The following BRAF variants were observed in gnomAD, a reference collection of about 807,000 sequenced individuals.
BRAF encodes B-Raf proto-oncogene, serine/threonine kinase.
A neutral mutation model predicts 104.6 loss-of-function variants in BRAF; 16 were observed. The observed-to-expected ratio is 0.15, with a 90% CI of 0.10 to 0.23. BRAF has a LOEUF of 0.23. BRAF is among the 10% of genes least tolerant of loss of function. BRAF has a pLI of 1.00. For synonymous variants in BRAF, 310 were observed against 341.6 expected (o/e 0.91, Z 1.02); for missense variants, 541 against 937.3 (o/e 0.58, Z 5.52).
chr7:140,876,602 G>C (rs1477752930), intron 1 of BRAF, among the ~76,000 whole-genome samples: 1 of 152,050 alleles, frequency 6.6e-6, no homozygotes, highest in African/African-American at 2.4e-5. Flanking sequence ...TTTCATAATA[G>C]AAAGCATAAC....
intron 1 of BRAF, among the ~76,000 whole-genome samples, chr7:140,894,729 T>C (rs1213127264): frequency 6.6e-6 from 1 of 151,940 alleles, no homozygotes; most frequent in Admixed American, 6.6e-5. Context: ...TAATTAATAA[T>C]GTGGAAGAAC....
At chr7:140,829,102 T>C (rs1806405209) in intron 3 of BRAF, among the ~76,000 whole-genome samples, 1 of 152,106 alleles carries the variant, frequency 6.6e-6, no homozygotes, top group African/African-American at 2.4e-5. Context: ...GAAGTGTTCT[T>C]TGTATATTCA....
At chr7:140,757,173 TA>T (rs756301893) in intron 14 of BRAF, among the ~76,000 whole-genome samples, 1 of 152,176 alleles carries the variant, frequency 6.6e-6, no homozygotes, top group Admixed American at 6.5e-5. Flanking sequence ...ATAGAATTTT[TA>T]AAAAAGGGCA....
chr7:140,745,214 T>C (rs1797253023), intron 17 of BRAF, among the ~76,000 whole-genome samples: 1 of 152,180 alleles, frequency 6.6e-6, no homozygotes, highest in Admixed American at 6.5e-5. Context: ...AAAATGTTAA[T>C]AGAATATACT....
At position 140,902,967 on chromosome 7, in the gene BRAF, T is replaced by C. The variant is rs180677786; in HGVS notation, c.138+21599A>G. On this transcript the variant is annotated intron_variant, in intron 1 of 19. Transcript: ENST00000644969. Reference sequence around the variant, plus strand: ...GAGATGGAGTTTCGCTCTTTTTGCCTAGGCTGGAGTACAATGGCATGATCT... The same window carrying C: ...GAGATGGAGTTTCGCTCTTTTTGCCCAGGCTGGAGTACAATGGCATGATCT... 1.1e-4 allele frequency among the ~76,000 whole-genome samples: 16 copies of C among 146,576 alleles called. No homozygotes were observed. In the South Asian group the frequency reaches 1.5e-3, roughly 14 times the overall value.
At chr7:140,811,645 A>G (rs1804276245) in intron 3 of BRAF, among the ~76,000 whole-genome samples, 1 of 152,200 alleles carries the variant, frequency 6.6e-6, no homozygotes, top group South Asian at 2.1e-4. Context: ...CTCAGTGGCT[A>G]AAAATCTGCT....
At chr7:140,752,792 AAGG>A (rs1450539058) in intron 16 of BRAF, among the ~76,000 whole-genome samples, 2 of 152,198 alleles carry the variant, frequency 1.3e-5, no homozygotes, top group Non-Finnish European at 2.9e-5. Context: ...TCTCTGTTAA[AAGG>A]AGTAGTTCTC....
intron 9 of BRAF, among the ~76,000 whole-genome samples, chr7:140,787,291 A>C (rs1459423537): frequency 8.2e-6 from 1 of 121,530 alleles, no homozygotes; most frequent in Non-Finnish European, 1.6e-5. Context: ...ACAGAGCGAG[A>C]CTCCGTCTCA....
At chr7:140,772,907 G>A (rs1029533037) in intron 14 of BRAF, among the ~76,000 whole-genome samples, 3 of 151,992 alleles carry the variant, frequency 2.0e-5, no homozygotes, top group Non-Finnish European at 2.9e-5. Context: ...GAGAAACTAC[G>A]TTAACTCCTT....
At position 140,767,297 on chromosome 7, in the gene BRAF, C is replaced by A. The variant is rs532252785; in HGVS notation, c.1814+9615G>T. Among the ~76,000 whole-genome samples, 350 of 152,176 alleles carry A rather than the reference C, an allele frequency of 2.3e-3. 2 individuals carry two copies. Among genetic ancestry groups the A allele is most frequent in the Middle Eastern group, 0.01 (3 of 294 alleles). On this transcript the variant is annotated intron_variant, in intron 14 of 19. Transcript: ENST00000644969. The stretch of plus-strand genomic sequence containing the variant: ...GGGATTACAGGCATGAACCACCGTG[C>A]CCAGCCAAAAGATGTTTTAAAATAG...
At chr7:140,907,497 G>A (rs1586617466) in intron 1 of BRAF, among the ~76,000 whole-genome samples, 2 of 152,090 alleles carry the variant, frequency 1.3e-5, no homozygotes, top group Non-Finnish European at 2.9e-5. Flanking sequence ...TCCTGACCTC[G>A]TGATCTGTCG....
intron 3 of BRAF, among the ~76,000 whole-genome samples, chr7:140,823,231 T>C (rs1245880790): frequency 1.3e-5 from 2 of 152,166 alleles, no homozygotes; most frequent in Non-Finnish European, 2.9e-5. Context: ...TTCAGTAGTG[T>C]TAAGTACATT....
At chr7:140,757,197 T>C (rs1196105826) in intron 14 of BRAF, among the ~76,000 whole-genome samples, 1 of 152,214 alleles carries the variant, frequency 6.6e-6, no homozygotes, top group Non-Finnish European at 1.5e-5. Flanking sequence ...AAAAGGATTA[T>C]ATTCAATTAC....
intron 9 of BRAF, chr7:140,785,913 A>G (rs1562959051): frequency 2.5e-6 from 1 of 396,194 alleles, no homozygotes; most frequent in Non-Finnish European, 4.4e-6. Flanking sequence ...AGCCTGTTTC[A>G]TAAAATAATT....
intron 8 of BRAF, among the ~76,000 whole-genome samples, chr7:140,792,415 C>A (rs533702154): frequency 2.0e-5 from 3 of 152,286 alleles, no homozygotes; most frequent in African/African-American, 7.2e-5. Context: ...ATATTACCTG[C>A]CTAGTTTCAC....
chr7:140,727,900 C>T (rs923500093), intron 19 of BRAF, among the ~76,000 whole-genome samples: 2 of 152,296 alleles, frequency 1.3e-5, no homozygotes, highest in Non-Finnish European at 2.9e-5. Context: ...GGATTACACG[C>T]ATGAGCCACC....
chr7:140,888,927 T>C (rs578176662), intron 1 of BRAF, among the ~76,000 whole-genome samples: 34 of 152,122 alleles, frequency 2.2e-4, no homozygotes, highest in Non-Finnish European at 3.8e-4. Context: ...ATTTTTGATG[T>C]TTCTACTTGG....
intron 17 of BRAF, among the ~76,000 whole-genome samples, chr7:140,743,412 T>C (rs1052496609): frequency 6.6e-6 from 1 of 152,192 alleles, no homozygotes; most frequent in East Asian, 1.9e-4. Context: ...GATGAGTTCA[T>C]GTCCTTTGTA....
chr7:140,845,263 C>T (rs1808422457), intron 2 of BRAF, among the ~76,000 whole-genome samples: 2 of 151,940 alleles, frequency 1.3e-5, no homozygotes, highest in Admixed American at 1.3e-4. Flanking sequence ...GATCAAAGAC[C>T]CAAATGCAAG....
Sources: gnomAD v4.1 joint callset for allele counts (sites outside exome capture counted in the v4.1 genomes callset) on GRCh38, gnomAD v4.1.1 for gene constraint, MANE v1.5 for transcripts, NCBI Gene and HGNC (gene_info 2026-07-23, HGNC 2026-07-21) for gene names.